PRKCA: variants seen among roughly 807,000 people sequenced by gnomAD.
The protein encoded by PRKCA is protein kinase C alpha.
In PRKCA, 27 loss-of-function variants were observed where a neutral mutation model predicts 87.0. That is an observed-to-expected ratio of 0.31 (90% CI 0.23 to 0.43). The LOEUF (loss-of-function observed/expected upper bound fraction) is 0.43, where lower values mean the gene tolerates loss of function less well. PRKCA is among the 20% of genes least tolerant of loss of function. The pLI is 1.00. For missense variants in PRKCA, 518 were observed against 852.3 expected (o/e 0.61, Z 4.88); for synonymous variants, 329 against 311.1 (o/e 1.06, Z -0.61).
chr17:66,519,405 A>G (rs1376905586), intron 3 of PRKCA, among the ~76,000 whole-genome samples: 2 of 152,196 alleles, frequency 1.3e-5, no homozygotes, highest in African/African-American at 4.8e-5. Context: ...CATGCAAGGC[A>G]TTTTATGATG....
chr17:66,575,386 A>G (rs958985297), intron 3 of PRKCA, among the ~76,000 whole-genome samples: 5 of 152,154 alleles, frequency 3.3e-5, no homozygotes, highest in Admixed American at 1.3e-4. Flanking sequence ...CTAGACCAGC[A>G]TGGCCAACAT....
chr17:66,359,818 C>T (rs1908275935), intron 2 of PRKCA, among the ~76,000 whole-genome samples: 1 of 152,198 alleles, frequency 6.6e-6, no homozygotes, highest in Non-Finnish European at 1.5e-5. Flanking sequence ...TAGGCATAAA[C>T]TTGCACAAAA....
intron 5 of PRKCA, among the ~76,000 whole-genome samples, chr17:66,680,270 A>G (rs2143998356): frequency 6.6e-6 from 1 of 152,304 alleles, no homozygotes; most frequent in East Asian, 1.9e-4. Flanking sequence ...ATTTTTGCTC[A>G]TGCCTGGTGT....
chr17:66,682,208 G>A (rs1972511929), intron 5 of PRKCA, among the ~76,000 whole-genome samples: 1 of 152,296 alleles, frequency 6.6e-6, no homozygotes, highest in Admixed American at 6.5e-5. Context: ...ATTTGAATGG[G>A]CTTTATCCAG....
intron 3 of PRKCA, among the ~76,000 whole-genome samples, chr17:66,624,309 G>A (rs1007727655): frequency 1.3e-5 from 2 of 151,938 alleles, no homozygotes; most frequent in Non-Finnish European, 2.9e-5. Context: ...CCAGCCACAT[G>A]GACAGTTTCA....
intron 2 of PRKCA, among the ~76,000 whole-genome samples, chr17:66,336,939 C>T (rs1906733034): frequency 6.6e-6 from 1 of 152,018 alleles, no homozygotes. Context: ...CAGGCGCCCG[C>T]CACCACGTCC....
intron 13 of PRKCA, among the ~76,000 whole-genome samples, chr17:66,763,758 G>T (rs1170333723): frequency 6.6e-6 from 1 of 152,250 alleles, no homozygotes; most frequent in Middle Eastern, 3.4e-3. Context: ...GGGGTTTGCT[G>T]TATACATACA....
intron 2 of PRKCA, chr17:66,415,475 C>G (rs1350350285): frequency 6.6e-6 from 1 of 152,048 alleles, no homozygotes; most frequent in African/African-American, 2.4e-5. Flanking sequence ...AACTTTTGGC[C>G]CAAAGGTAGC....
At chr17:66,796,690 G>C in intron 16 of PRKCA, 1 of 985,262 alleles carries the variant, frequency 1.0e-6, no homozygotes, top group African/African-American at 1.7e-5. Context: ...TTACCTCCCA[G>C]GAAGCCCAAG....
chr17:66,370,360 T>C (rs918613939), intron 2 of PRKCA, among the ~76,000 whole-genome samples: 7 of 149,398 alleles, frequency 4.7e-5, no homozygotes, highest in African/African-American at 7.4e-5. Context: ...GCCTCTGGAG[T>C]AGCTGGGACT....
intron 2 of PRKCA, among the ~76,000 whole-genome samples, chr17:66,484,334 A>C (rs557078831): frequency 6.6e-6 from 1 of 152,316 alleles, no homozygotes; most frequent in Non-Finnish European, 1.5e-5. Context: ...TAATACCTGA[A>C]ATAATCAGAT....
At chr17:66,398,503 G>T (rs1598639458) in intron 2 of PRKCA, among the ~76,000 whole-genome samples, 1 of 152,320 alleles carries the variant, frequency 6.6e-6, no homozygotes. Context: ...CTAAGTGATA[G>T]TTGGAGTGAG....
At chr17:66,726,182 G>C (rs985076287) in intron 8 of PRKCA, among the ~76,000 whole-genome samples, 2 of 150,858 alleles carry the variant, frequency 1.3e-5, no homozygotes, top group Non-Finnish European at 3.0e-5. Flanking sequence ...TCAGGTGTTC[G>C]CAGGTGTGCA....
intron 2 of PRKCA, among the ~76,000 whole-genome samples, chr17:66,325,850 T>C (rs1905948953): frequency 6.6e-6 from 1 of 152,168 alleles, no homozygotes; most frequent in African/African-American, 2.4e-5. Flanking sequence ...TAAAATGATT[T>C]CCTTTCCTGT....
rs1297309833 is a variant in PRKCA, at chr17:66,535,772, G to C, written c.288+39489G>C. Among the ~76,000 whole-genome samples the C allele has an allele frequency of 2.6e-5, 4 of 152,170 alleles. No homozygotes were observed. The East Asian group carries it at 7.7e-4, about 29-fold the overall frequency. On this transcript the variant is annotated intron_variant, in intron 3 of 16. Transcript: ENST00000413366. ...AACAATTATAGGATATCAGTGCACT[G>C]TGAGACCACAAACTCTTCTAGTCCA...
Position 66,445,206 on chromosome 17 carries a change from C to T in PRKCA, c.206-50995C>T, listed in dbSNP as rs145120934. On this transcript the variant is annotated intron_variant, in intron 2 of 16. Transcript: ENST00000413366. ...TCACTGTCTCTCTGGTTCCCTTCAG[C>T]GGGAGCTCTCTGTGGTTTAATGGAG... Among the ~76,000 whole-genome samples the T allele has an allele frequency of 3.2e-3, 488 of 152,288 alleles. 3 individuals are homozygous for T. The highest frequency in any genetic ancestry group is 4.7e-3 in the Non-Finnish European group (322 of 68,030).
At chr17:66,652,806 G>A (rs1310761201) in intron 5 of PRKCA, among the ~76,000 whole-genome samples, 2 of 152,178 alleles carry the variant, frequency 1.3e-5, no homozygotes, top group South Asian at 2.1e-4. Context: ...AGCCATCAGA[G>A]CGCCTCAGCA....
At chr17:66,662,960 G>A (rs560551842) in intron 5 of PRKCA, among the ~76,000 whole-genome samples, 10 of 152,190 alleles carry the variant, frequency 6.6e-5, no homozygotes, top group Non-Finnish European at 1.5e-4. Context: ...GGGAACAAGT[G>A]TATGGGAAAG....
intron 3 of PRKCA, among the ~76,000 whole-genome samples, 166 bp downstream of exon 3, chr17:66,496,449 T>C (rs548157458): frequency 6.6e-6 from 1 of 152,198 alleles, no homozygotes; most frequent in Admixed American, 6.5e-5. Context: ...CCATATGAGC[T>C]CTGGACTACA....
Sources: allele counts gnomAD v4.1 joint callset (sites outside exome capture counted in the v4.1 genomes callset), GRCh38; gene constraint gnomAD v4.1.1; transcripts MANE v1.5; gene names NCBI Gene and HGNC (gene_info 2026-07-23, HGNC 2026-07-21).